The following TRHDE variants were observed in gnomAD, a reference collection of about 807,000 sequenced individuals.
TRHDE encodes thyrotropin releasing hormone degrading enzyme.
TRHDE carries 72 observed loss-of-function variants against 125.7 expected under a neutral mutation model. The observed-to-expected ratio is 0.57, with a 90% confidence interval of 0.47 to 0.70. TRHDE has a LOEUF of 0.70. Ranked by LOEUF, TRHDE falls within the 30% of genes least tolerant of loss-of-function variation. The pLI is 0.00. For missense variants in TRHDE, 1,110 were observed against 1,327.1 expected (o/e 0.84, Z 2.54); for synonymous variants, 509 against 509.1 (o/e 1.00, Z 0.00).
intron 12 of TRHDE, among the ~76,000 whole-genome samples, chr12:72,616,545 T>A (rs552767799): frequency 6.6e-6 from 1 of 152,200 alleles, no homozygotes; most frequent in African/African-American, 2.4e-5. Flanking sequence ...TCCGTAACAT[T>A]ATTTGTCATC....
intron 5 of TRHDE, among the ~76,000 whole-genome samples, chr12:72,497,103 C>T (rs938078342): frequency 1.3e-5 from 2 of 151,840 alleles, no homozygotes; most frequent in African/African-American, 4.8e-5. Context: ...TTTTTAATTA[C>T]ACAATATCGT....
At chr12:72,530,782 A>AT (rs1868513789) in intron 6 of TRHDE, among the ~76,000 whole-genome samples, 1 of 151,414 alleles carries the variant, frequency 6.6e-6, no homozygotes, top group Non-Finnish European at 1.5e-5. Flanking sequence ...AACATATGAG[A>AT]GCCTATTCTC....
At chr12:72,394,038 A>T (rs1305277899) in intron 3 of TRHDE, among the ~76,000 whole-genome samples, 1 of 152,186 alleles carries the variant, frequency 6.6e-6, no homozygotes, top group Non-Finnish European at 1.5e-5. Context: ...TATATTACCC[A>T]TTATGTGCAT....
intron 3 of TRHDE, among the ~76,000 whole-genome samples, chr12:72,451,574 G>GTTT (rs149110838): frequency 0.023 from 3,393 of 147,784 alleles, 121 homozygotes; most frequent in African/African-American, 0.083. Context: ...CTCTGGCTTT[G>GTTT]TTTTTTGTTG....
At chr12:72,161,641 C>A (rs1592464625) in intron 2 of TRHDE, among the ~76,000 whole-genome samples, 1 of 152,094 alleles carries the variant, frequency 6.6e-6, no homozygotes, top group South Asian at 2.1e-4. Flanking sequence ...TGTGGGTGAA[C>A]TGGAACTTTT....
At chr12:72,134,951 A>T (rs1209426706) in intron 2 of TRHDE, among the ~76,000 whole-genome samples, 1 of 152,202 alleles carries the variant, frequency 6.6e-6, no homozygotes, top group Non-Finnish European at 1.5e-5. Flanking sequence ...ATGTCATTTG[A>T]CGCTAGACTC....
chr12:72,392,226 C>T (rs1024689534), intron 3 of TRHDE, among the ~76,000 whole-genome samples: 2 of 152,156 alleles, frequency 1.3e-5, no homozygotes, highest in African/African-American at 4.8e-5. Flanking sequence ...TAAACCTAAG[C>T]TGACTAATAC....
intron 2 of TRHDE, among the ~76,000 whole-genome samples, chr12:72,230,864 A>C (rs1407082273): frequency 2.6e-5 from 4 of 151,832 alleles, no homozygotes; most frequent in African/African-American, 9.7e-5. Context: ...GTAGCATAAA[A>C]CTCTATTTAA....
At chr12:72,266,577 C>T (rs1400325796) in intron 2 of TRHDE, among the ~76,000 whole-genome samples, 1 of 151,138 alleles carries the variant, frequency 6.6e-6, no homozygotes, top group Admixed American at 6.6e-5. Context: ...TAGCACTTAC[C>T]ATGTGCTAGG....
chr12:72,310,347 A>G (rs1045272081), intron 2 of TRHDE, among the ~76,000 whole-genome samples: 1 of 152,222 alleles, frequency 6.6e-6, no homozygotes, highest in African/African-American at 2.4e-5. Flanking sequence ...CTAAATTCAG[A>G]GCCTTTGGCC....
chr12:72,533,349 A>G (rs1868661186), intron 6 of TRHDE, among the ~76,000 whole-genome samples: 1 of 151,750 alleles, frequency 6.6e-6, no homozygotes, highest in African/African-American at 2.4e-5. Flanking sequence ...TAATTTTTGT[A>G]TTTTTAGTAG....
chr12:72,127,230 T>C (rs1006477053), intron 2 of TRHDE, among the ~76,000 whole-genome samples: 2 of 152,220 alleles, frequency 1.3e-5, no homozygotes, highest in African/African-American at 4.8e-5. Flanking sequence ...AGAATGCTTA[T>C]ACACTGTTGG....
At chr12:72,112,201 A>G (rs1047615064) in intron 2 of TRHDE, among the ~76,000 whole-genome samples, 3 of 152,138 alleles carry the variant, frequency 2.0e-5, no homozygotes, top group Admixed American at 6.6e-5. Context: ...TGTCAGCAGC[A>G]GGGTTTCCTG....
chr12:72,376,518 T>G (rs565984279), intron 2 of TRHDE, among the ~76,000 whole-genome samples: 2 of 152,298 alleles, frequency 1.3e-5, no homozygotes, highest in African/African-American at 4.8e-5. Context: ...TTGGTGACTG[T>G]AGACTAAATT....
At chr12:72,349,120 C>T (rs1592561005) in intron 2 of TRHDE, among the ~76,000 whole-genome samples, 2 of 152,050 alleles carry the variant, frequency 1.3e-5, no homozygotes, top group Non-Finnish European at 2.9e-5. Context: ...GGATTTTATA[C>T]CGTAGTTGTA....
intron 7 of TRHDE, among the ~76,000 whole-genome samples, chr12:72,557,813 TGAC>T (rs1264269574): frequency 6.6e-6 from 1 of 152,208 alleles, no homozygotes; most frequent in South Asian, 2.1e-4. Flanking sequence ...GTTATATGCC[TGAC>T]AAGTATATAC....
chr12:72,100,976 A>G (rs1875053397), intron 1 of TRHDE, among the ~76,000 whole-genome samples: 2 of 152,234 alleles, frequency 1.3e-5, no homozygotes, highest in South Asian at 2.1e-4. Flanking sequence ...ATAAAGCTGC[A>G]TGCGATGTAC....
intron 3 of TRHDE, among the ~76,000 whole-genome samples, chr12:72,444,829 G>A (rs1196399702): frequency 6.6e-6 from 1 of 151,802 alleles, no homozygotes; most frequent in African/African-American, 2.4e-5. Flanking sequence ...AGGAGAGGCT[G>A]GATATTCTCC....
intron 3 of TRHDE, among the ~76,000 whole-genome samples, chr12:72,382,027 A>G (rs1289671392): frequency 2.6e-5 from 4 of 152,186 alleles, no homozygotes; most frequent in Non-Finnish European, 5.9e-5. Context: ...GGCAGATAGA[A>G]ACAAAACAGG....
Sources: allele counts gnomAD v4.1 joint callset (sites outside exome capture counted in the v4.1 genomes callset), GRCh38; gene constraint gnomAD v4.1.1; transcripts MANE v1.5; gene names NCBI Gene and HGNC (gene_info 2026-07-23, HGNC 2026-07-21).